Variants in OPN5 observed in about 807,000 individuals in gnomAD.
The protein encoded by OPN5 is opsin-5.
A neutral mutation model predicts 41.7 loss-of-function variants in OPN5; 18 were observed. The ratio of observed to expected loss-of-function variants is 0.43; its 90% CI spans 0.30 to 0.64. The LOEUF (loss-of-function observed/expected upper bound fraction) is 0.64, where lower values mean the gene tolerates loss of function less well. Ranked by LOEUF, OPN5 falls within the 30% of genes least tolerant of loss-of-function variation. The pLI is 0.13. For missense variants in OPN5, 318 were observed against 434.5 expected, an observed-to-expected ratio of 0.73 and a Z score of 2.38; for synonymous variants, 178 against 164.3, an observed-to-expected ratio of 1.08 and a Z score of -0.64.
At chr6:47,786,461 G>T in intron 1 of OPN5, 54 bp from the exon 2 acceptor site, 1 of 1,526,144 alleles carries the variant, frequency 6.6e-7, no homozygotes, top group South Asian at 1.2e-5. Flanking sequence ...TTTCATATCT[G>T]AGTGAACTCG....
At chr6:47,789,378 TACC>T (rs1005655764) in intron 2 of OPN5, among the ~76,000 whole-genome samples, 3 of 152,052 alleles carry the variant, frequency 2.0e-5, no homozygotes, top group African/African-American at 7.3e-5. Flanking sequence ...CTTTCTGTCA[TACC>T]ACATCTTATA....
At chr6:47,802,863 AGTT>A (rs1389140005) in intron 4 of OPN5, among the ~76,000 whole-genome samples, 1 of 152,202 alleles carries the variant, frequency 6.6e-6, no homozygotes, top group African/African-American at 2.4e-5. Flanking sequence ...CTCTCTTTTC[AGTT>A]GCAGCTTTTG....
chr6:47,794,333 C>T (rs895416960), intron 3 of OPN5, among the ~76,000 whole-genome samples: 12 of 152,194 alleles, frequency 7.9e-5, no homozygotes, highest in Admixed American at 5.2e-4. Flanking sequence ...AGTAAAGAGT[C>T]ACTTTCCTGG....
At chr6:47,824,917 G>A (rs1365084320), downstream of OPN5, 4 of 151,272 alleles carry the variant, frequency 2.6e-5, no homozygotes, top group Non-Finnish European at 4.4e-5. Context: ...TGGAAACTAT[G>A]CAACAGAAAC....
intron 4 of OPN5, among the ~76,000 whole-genome samples, chr6:47,805,862 G>A (rs1056361539): frequency 1.3e-5 from 2 of 152,110 alleles, no homozygotes; most frequent in Non-Finnish European, 1.5e-5. Flanking sequence ...AGTTGGGGAC[G>A]GGAGTAAAAG....
intron 6 of OPN5, among the ~76,000 whole-genome samples, chr6:47,818,275 G>T (rs900297626): frequency 1.3e-5 from 2 of 151,794 alleles, no homozygotes; most frequent in African/African-American, 2.4e-5. Context: ...TATTCAAACT[G>T]CTCAGAATAG....
At position 47,816,204 on chromosome 6, in the gene OPN5, T is replaced by C. The variant is rs140156853; in HGVS notation, c.1056+4473T>C. Among the ~76,000 whole-genome samples the C allele has an allele frequency of 2.8e-3, 422 of 152,272 alleles. 3 individuals carry two copies. Among genetic ancestry groups the C allele is most frequent in the African/African-American group, 8.2e-3 (341 of 41,562 alleles). On this transcript the variant is annotated intron_variant, in intron 6 of 6. Transcript: ENST00000371211. ...CTCAATGTTTGGAAGATACAAAAGATGGGGAGGATGTGTTTTTAGTTCCTT... is the reference window on the plus strand; with the variant it reads ...CTCAATGTTTGGAAGATACAAAAGACGGGGAGGATGTGTTTTTAGTTCCTT...
At chr6:47,796,591 T>C (rs1336109826) in intron 4 of OPN5, among the ~76,000 whole-genome samples, 1 of 152,198 alleles carries the variant, frequency 6.6e-6, no homozygotes, top group Non-Finnish European at 1.5e-5. Context: ...GAAGTTATAA[T>C]TATTTCTTCC....
intron 5 of OPN5, among the ~76,000 whole-genome samples, chr6:47,811,286 G>T (rs1431978548): frequency 1.3e-5 from 2 of 152,248 alleles, no homozygotes; most frequent in Middle Eastern, 3.4e-3. Context: ...CTCTGGCATT[G>T]CTATCATAAT....
rs762611025 is a variant in OPN5, at chr6:47,782,244, A to G, written c.130+48A>G. On this transcript the variant is annotated intron_variant, in intron 1 of 6. Transcript: ENST00000371211. ...TGCAAAGGCTGCATTTAGAAAATTC[A>G]TGGGCTGATATGTTAATTTTGTGAA... is the stretch of plus-strand genomic sequence containing the variant. The G allele has an allele frequency of 2.5e-6, 4 of 1,569,654 alleles. No individual in the cohort carries two copies. In the South Asian group the frequency reaches 3.4e-5, roughly 13 times the overall value.
chr6:47,786,412 C>A, intron 1 of OPN5, 103 bp from the exon 2 acceptor site: 1 of 891,000 alleles, frequency 1.1e-6, no homozygotes, highest in Non-Finnish European at 1.8e-6. Flanking sequence ...TCTCACTACC[C>A]TCTAAATCTA....
exon 5 of OPN5, chr6:47,808,368 C>T (rs772686072): frequency 1.2e-6 from 2 of 1,614,022 alleles, no homozygotes; most frequent in Admixed American, 3.3e-5. Flanking sequence ...TTGAAAGCAA[C>T]CAAGAAGAAG....
intron 6 of OPN5, among the ~76,000 whole-genome samples, 167 bp from the exon 7 acceptor site, chr6:47,823,816 G>A (rs1581769017): frequency 6.6e-6 from 1 of 152,176 alleles, no homozygotes; most frequent in African/African-American, 2.4e-5. Flanking sequence ...CCTGCAAAGA[G>A]GACTCTGTGG....
chr6:47,824,222 A>G, exon 7 of OPN5: 1 of 564,346 alleles, frequency 1.8e-6, no homozygotes, highest in Non-Finnish European at 3.2e-6. Flanking sequence ...ATAACTAAAG[A>G]GTGCCAGAAA....
chr6:47,795,129 C>A (rs569842800), intron 3 of OPN5, 100 bp from the exon 4 acceptor site: 2 of 954,684 alleles, frequency 2.1e-6, no homozygotes, highest in Admixed American at 2.9e-5. Context: ...TCCCAGAAAT[C>A]AATGGAATAA....
At chr6:47,811,243 A>T (rs977499755) in intron 5 of OPN5, among the ~76,000 whole-genome samples, 3 of 152,258 alleles carry the variant, frequency 2.0e-5, no homozygotes, top group South Asian at 2.1e-4. Context: ...CCTGGTACTG[A>T]GTGAAGATAA....
chr6:47,812,099 G>A (rs1012971610), intron 6 of OPN5, among the ~76,000 whole-genome samples: 2 of 152,096 alleles, frequency 1.3e-5, no homozygotes, highest in East Asian at 3.9e-4. Flanking sequence ...TTAATGTCGG[G>A]TTAGGGAGGC....
chr6:47,807,943 T>C lies in OPN5; in HGVS notation c.757-211T>C, dbSNP rs1450049748. Among the ~76,000 whole-genome samples the C allele has an allele frequency of 2.0e-5, 3 of 150,748 alleles. No homozygotes were observed. The Admixed American group carries it at 2.0e-4, about 10-fold the overall frequency. The stretch of plus-strand genomic sequence containing the variant: ...TCTAGAGTGGATACTAGATAGGATG[T>C]GGTAAATGGGATAAAAAATTGTAAT... On this transcript the variant is annotated intron_variant, in intron 4 of 6. Coordinates refer to ENST00000371211, the Ensembl canonical transcript of OPN5.
intron 6 of OPN5, among the ~76,000 whole-genome samples, chr6:47,812,698 C>G (rs931609088): frequency 6.6e-6 from 1 of 152,132 alleles, no homozygotes; most frequent in African/African-American, 2.4e-5. Flanking sequence ...ATCTACATTG[C>G]AGTTCTTTTA....
Sources: allele counts gnomAD v4.1 joint callset (sites outside exome capture counted in the v4.1 genomes callset), GRCh38; gene constraint gnomAD v4.1.1; transcripts MANE v1.5; gene names NCBI Gene and HGNC (gene_info 2026-07-23, HGNC 2026-07-21).